ULK4: variants seen among roughly 807,000 people sequenced by gnomAD.
ULK4 encodes inactive serine/threonine-protein kinase ULK4.
Under a neutral mutation model 160.6 loss-of-function variants are expected in ULK4, and 133 were observed. That is an observed-to-expected ratio of 0.83 (90% CI 0.72 to 0.96). ULK4 has a LOEUF of 0.96. ULK4 is among the 40% of genes least tolerant of loss of function. The pLI, the probability that ULK4 is intolerant of heterozygous loss-of-function variation, is 0.00. For synonymous variants in ULK4, 534 were observed against 539.8 expected, an observed-to-expected ratio of 0.99 and a Z score of 0.15; for missense variants, 1,580 against 1,499.5, an observed-to-expected ratio of 1.05 and a Z score of -0.89.
At chr3:41,449,070 A>G (rs1350005888) in intron 34 of ULK4, among the ~76,000 whole-genome samples, 1 of 151,894 alleles carries the variant, frequency 6.6e-6, no homozygotes, top group Non-Finnish European at 1.5e-5. Flanking sequence ...GGCATGCGCC[A>G]CCATGCCTGG....
At chr3:41,898,565 A>G in intron 13 of ULK4, 73 bp from the exon 14 acceptor site, 1 of 870,752 alleles carries the variant, frequency 1.1e-6, no homozygotes, top group African/African-American at 1.7e-5. Flanking sequence ...TATGTCCCTT[A>G]TGTCAGATAA....
chr3:41,465,110 C>T (rs967487451), intron 32 of ULK4, among the ~76,000 whole-genome samples: 7 of 152,160 alleles, frequency 4.6e-5, no homozygotes, highest in East Asian at 1.9e-4. Context: ...ACAGTGATAA[C>T]GCCAGCAAAA....
chr3:41,505,280 T>C (rs570148777), intron 32 of ULK4, among the ~76,000 whole-genome samples: 1 of 152,258 alleles, frequency 6.6e-6, no homozygotes, highest in Non-Finnish European at 1.5e-5. Context: ...CTCATGCTCC[T>C]TCCAGACCCT....
At chr3:41,782,745 A>T (rs143482419) in intron 21 of ULK4, among the ~76,000 whole-genome samples, 6 of 152,326 alleles carry the variant, frequency 3.9e-5, no homozygotes, top group African/African-American at 1.2e-4. Context: ...CTAATTTAGT[A>T]ACTTTATTTA....
chr3:41,638,788 T>C (rs1359919947), intron 30 of ULK4, among the ~76,000 whole-genome samples: 1 of 152,206 alleles, frequency 6.6e-6, no homozygotes, highest in African/African-American at 2.4e-5. Flanking sequence ...ACAGATGAAT[T>C]AAGAGTCCAT....
intron 17 of ULK4, among the ~76,000 whole-genome samples, chr3:41,873,469 C>G (rs1697187567): frequency 1.3e-5 from 2 of 152,166 alleles, no homozygotes; most frequent in South Asian, 2.1e-4. Context: ...AAATTTCCCT[C>G]ACTTTCTTGT....
At chr3:41,715,176 C>A in intron 25 of ULK4, 61 bp downstream of exon 25, 1 of 1,528,390 alleles carries the variant, frequency 6.5e-7, no homozygotes, top group South Asian at 1.2e-5. Context: ...ACATCAAATT[C>A]TACAAACAGT....
chr3:41,564,754 C>A (rs1319174578), intron 32 of ULK4, among the ~76,000 whole-genome samples: 1 of 151,844 alleles, frequency 6.6e-6, no homozygotes, highest in Non-Finnish European at 1.5e-5. Context: ...CCACTGCACC[C>A]GGCCATAAAA....
intron 20 of ULK4, among the ~76,000 whole-genome samples, chr3:41,790,356 A>T (rs2040113967): frequency 6.6e-6 from 1 of 152,274 alleles, no homozygotes; most frequent in Non-Finnish European, 1.5e-5. Flanking sequence ...GCCCAAAGGC[A>T]TATAGCTAGT....
At chr3:41,469,602 CAAAAAAAAAAAA>C (rs71616008) in intron 32 of ULK4, among the ~76,000 whole-genome samples, 5 of 11,314 alleles carry the variant, frequency 4.4e-4, no homozygotes, top group African/African-American at 6.3e-4. Context: ...CTACACCTGC[CAAAAAAAAAAAA>C]AAAAAAAAAA....
intron 32 of ULK4, among the ~76,000 whole-genome samples, chr3:41,517,230 C>CA (rs34245857): frequency 0.84 from 127,872 of 152,118 alleles, 55,044 homozygotes; most frequent in Non-Finnish European, 0.94. Flanking sequence ...CAAATGCTGG[C>CA]AAAAATGTGC....
At chr3:41,527,094 T>G (rs1433820966) in intron 32 of ULK4, among the ~76,000 whole-genome samples, 2 of 152,220 alleles carry the variant, frequency 1.3e-5, no homozygotes, top group Non-Finnish European at 2.9e-5. Context: ...TAAAGAAGAC[T>G]TAAGCTCTAT....
intron 35 of ULK4, among the ~76,000 whole-genome samples, chr3:41,299,558 G>A (rs1269793388): frequency 6.6e-6 from 1 of 152,194 alleles, no homozygotes; most frequent in Non-Finnish European, 1.5e-5. Flanking sequence ...AGCTATGTAC[G>A]TGGCTCTTGT....
At chr3:41,664,776 AT>A (rs1341830373) in intron 29 of ULK4, among the ~76,000 whole-genome samples, 1 of 152,178 alleles carries the variant, frequency 6.6e-6, no homozygotes, top group African/African-American at 2.4e-5. Flanking sequence ...CAGGCCTGCT[AT>A]GTTAACTCTT....
intron 21 of ULK4, among the ~76,000 whole-genome samples, chr3:41,756,689 G>A (rs1419304275): frequency 5.9e-5 from 9 of 152,228 alleles, no homozygotes; most frequent in South Asian, 4.2e-4. Flanking sequence ...CAGATTATAC[G>A]AAGCACCTGA....
intron 30 of ULK4, among the ~76,000 whole-genome samples, chr3:41,643,751 G>A (rs1159403437): frequency 6.6e-6 from 1 of 152,070 alleles, no homozygotes; most frequent in East Asian, 1.9e-4. Flanking sequence ...AGCTTGATGG[G>A]GATGGCATTG....
chr3:41,481,005 G>A (rs2084305602), intron 32 of ULK4, among the ~76,000 whole-genome samples: 1 of 152,282 alleles, frequency 6.6e-6, no homozygotes, highest in East Asian at 1.9e-4. Flanking sequence ...AAGATGAGAT[G>A]TGGATAGGGA....
At chr3:41,807,230 C>T (rs2040671165) in intron 19 of ULK4, among the ~76,000 whole-genome samples, 1 of 151,792 alleles carries the variant, frequency 6.6e-6, no homozygotes, top group African/African-American at 2.4e-5. Context: ...ATTACATAAT[C>T]CTACATTTAT....
chr3:41,529,685 G>C (rs550479480), intron 32 of ULK4, among the ~76,000 whole-genome samples: 9 of 152,132 alleles, frequency 5.9e-5, no homozygotes, highest in Non-Finnish European at 1.0e-4. Context: ...TAGAGGCAGG[G>C]TTTCGCCATG....
Sources: allele counts gnomAD v4.1 joint callset (sites outside exome capture counted in the v4.1 genomes callset), GRCh38; gene constraint gnomAD v4.1.1; transcripts MANE v1.5; gene names NCBI Gene and HGNC (gene_info 2026-07-23, HGNC 2026-07-21).